The following GRHL3 variants were observed in gnomAD, a reference collection of about 807,000 sequenced individuals.
GRHL3 encodes grainyhead-like protein 3 homolog.
GRHL3 carries 20 observed loss-of-function variants against 70.3 expected under a neutral mutation model. The ratio of observed to expected loss-of-function variants is 0.28; its 90% CI spans 0.20 to 0.41. GRHL3 has a LOEUF of 0.41. Among genes scored for constraint, GRHL3 ranks in the 10% least tolerant of loss-of-function variants. The probability of loss-of-function intolerance (pLI) is 1.00; values close to 1 mark genes in which losing one functional copy is unlikely to be tolerated. For missense variants in GRHL3, 637 were observed against 762.3 expected, an observed-to-expected ratio of 0.84 and a Z score of 1.94; for synonymous variants, 299 against 299.9, an observed-to-expected ratio of 1.00 and a Z score of 0.03.
chr1:24,339,181 T>G (rs1369759141), intron 7 of GRHL3, among the ~76,000 whole-genome samples: 1 of 152,210 alleles, frequency 6.6e-6, no homozygotes, highest in Non-Finnish European at 1.5e-5. Flanking sequence ...TTTTCCCATC[T>G]GTAATCCAGG....
rs1414019490 is a variant in GRHL3 at position 24,338,075 on chromosome 1, C to T, written c.924C>T (p.Pro308=). The change falls in exon 7 of 16, where the codon CCC becomes CCT. Residue 308 remains proline (P), a synonymous_variant. Transcript: ENST00000361548. The stretch of plus-strand genomic sequence containing the variant: ...GGAAGCACTGGCATTCCCGGCAACC[C>T]ACTGCCAAGCAGCGGGTCATTGACG... ...RFWKHWHSRQ[P]TAKQRVIDVA... 6.8e-6 allele frequency: 11 copies of T among 1,612,202 alleles called. No homozygotes were observed. Among genetic ancestry groups the T allele is most frequent in the Admixed American group, 1.7e-5 (1 of 59,680 alleles).
chr1:24,336,644 C>A lies in GRHL3; in HGVS notation c.429C>A (p.Gly143=), dbSNP rs1326444349. ...TGGAGGGGGCCTTGCCCACCCCTGG[C>A]AAGGCAGCTCCCCTCCCTGCAGGCC... ...MSLEGALPTP[G]KAAPLPAGPS... Residue 143 remains glycine, a synonymous_variant, in exon 4 of 16, where the codon GGC becomes GGA. Transcript: ENST00000361548. 1 of 1,614,156 alleles carries A rather than the reference C, an allele frequency of 6.2e-7. No homozygotes were observed. Among genetic ancestry groups the A allele is most frequent in the Admixed American group, 1.7e-5 (1 of 60,028 alleles).
Position 24,319,940 on chromosome 1 carries a change from AG to A in GRHL3, c.17+374del, listed in dbSNP as rs1388753230. On this transcript the variant is annotated intron_variant, in intron 1 of 15. Transcript: ENST00000361548. ...CTTCTTGCCAAAAGGAACTTCTTTA[AG>A]GTAGTTCTAAGAGCTGTCTTAGGCA... 60 of 343,262 alleles carry A rather than the reference AG, an allele frequency of 1.7e-4. No homozygotes were observed. In the East Asian group the frequency reaches 3.8e-3, roughly 22 times the overall value. 21.3% of individuals were successfully genotyped at this position (343,262 alleles called of 1,614,324 possible). A position where few individuals can be genotyped will look rare whatever the true frequency, so the allele number is the denominator to read the frequency against.
chr1:24,362,496 C>T (rs1265050337), intron 15 of GRHL3, among the ~76,000 whole-genome samples: 3 of 152,212 alleles, frequency 2.0e-5, no homozygotes, highest in African/African-American at 7.2e-5. Context: ...TCAGTATACA[C>T]AGCATTGCAA....
In GRHL3 at chr1:24,339,776, G is replaced by A; in HGVS notation, c.1047+14G>A. The A allele has an allele frequency of 4.4e-6, 7 of 1,580,482 alleles. No individual in the cohort carries two copies. The highest frequency in any genetic ancestry group is 1.1e-5 in the South Asian group (1 of 88,888). ...GAAGAGGCCAAGGTCAGTGCTGAGG[G>A]CAGTGGCTGGGATGGGACTGGGCTG... is the stretch of plus-strand genomic sequence containing the variant. On this transcript the variant is annotated intron_variant, in intron 8 of 15. Transcript: ENST00000361548.
At chr1:24,338,871 G>A (rs773352212) in intron 7 of GRHL3, among the ~76,000 whole-genome samples, 2 of 152,184 alleles carry the variant, frequency 1.3e-5, no homozygotes, top group East Asian at 1.9e-4. Context: ...TCTGAGCTTC[G>A]TTTTCCTCAT....
chr1:24,357,869 G>T (rs1640823483), downstream of GRHL3: 1 of 308,534 alleles, frequency 3.2e-6, no homozygotes, highest in Non-Finnish European at 6.4e-6. Flanking sequence ...GAAAGTCAGG[G>T]AAAAGCGCAG....
At chr1:24,343,633 G>C (rs1207018298) in intron 11 of GRHL3, among the ~76,000 whole-genome samples, 2 of 152,114 alleles carry the variant, frequency 1.3e-5, no homozygotes, top group Non-Finnish European at 2.9e-5. Context: ...TGGGTTCCCT[G>C]TTACAGCTGT....
At chr1:24,330,624 C>T (rs1346320054) in intron 1 of GRHL3, among the ~76,000 whole-genome samples, 1 of 152,222 alleles carries the variant, frequency 6.6e-6, no homozygotes, top group Admixed American at 6.5e-5. Context: ...GGTCCCTGCT[C>T]CTTCCCCACA....
At chr1:24,346,197 T>G (rs1640277051) in intron 12 of GRHL3, among the ~76,000 whole-genome samples, 1 of 151,592 alleles carries the variant, frequency 6.6e-6, no homozygotes, top group Non-Finnish European at 1.5e-5. Context: ...TCCACATTTA[T>G]TGAGGCCCTC....
At chr1:24,346,418 C>T (rs1398858230) in intron 12 of GRHL3, 135 bp from the exon 13 acceptor site, 4 of 609,870 alleles carry the variant, frequency 6.6e-6, no homozygotes, top group Non-Finnish European at 8.8e-6. Context: ...CTGCTTTACC[C>T]CCACTGTCCC....
chr1:24,354,367 A>G lies in GRHL3; in HGVS notation c.1695-7A>G, dbSNP rs770387570. The G allele has an allele frequency of 3.1e-6, 5 of 1,604,022 alleles. No individual in the cohort carries two copies. The highest frequency in any genetic ancestry group is 3.4e-6 in the Non-Finnish European group (4 of 1,170,920). On this transcript the variant is annotated splice_region_variant and splice_polypyrimidine_tract_variant and intron_variant, in intron 15 of 15. Coordinates refer to ENST00000361548, the MANE Select transcript of GRHL3 (RefSeq NM_198173.3). ...GTGTTCCAACCACATCCCCTCTTCC[A>G]TTCCAGAATCTTAGTCAACATGGAC...
chr1:24,361,978 C>T (rs1238685033), intron 15 of GRHL3, among the ~76,000 whole-genome samples: 1 of 152,132 alleles, frequency 6.6e-6, no homozygotes, highest in Non-Finnish European at 1.5e-5. Flanking sequence ...TGCTACTCTC[C>T]CAACCATGTA....
chr1:24,346,513 C>T (rs1165606011), intron 12 of GRHL3, 40 bp from the exon 13 acceptor site: 2 of 1,490,240 alleles, frequency 1.3e-6, no homozygotes, highest in African/African-American at 2.8e-5. Flanking sequence ...TCTAGGGGTC[C>T]CCAAGTTTCT....
In GRHL3 at chr1:24,355,136, A is replaced by AT. The variant is rs1640667508; in HGVS notation, c.*649dup. ...TATTTACGATTTTCATTTGTTATATATATATATAAATATACTGTATATATA... is the reference window on the plus strand; with the variant it reads ...TATTTACGATTTTCATTTGTTATATATTATATATAAATATACTGTATATATA... On this transcript the variant is annotated 3_prime_UTR_variant, in exon 16 of 16. Transcript: ENST00000361548. The AT allele has an allele frequency of 6.6e-6, 1 of 152,320 alleles. No homozygotes were observed. The highest frequency in any genetic ancestry group is 2.4e-5 in the African/African-American group (1 of 41,342). The allele number at this position is 152,320 out of a possible 1,614,324, so 9.4% of individuals were successfully genotyped here. A position where few individuals can be genotyped will look rare whatever the true frequency, so the allele number is the denominator to read the frequency against.
chr1:24,343,735 C>T (rs556536683), intron 11 of GRHL3, among the ~76,000 whole-genome samples: 30 of 152,284 alleles, frequency 2.0e-4, no homozygotes, highest in African/African-American at 6.0e-4. Context: ...TCTCCTAGTG[C>T]GCTTCCATAC....
chr1:24,325,928 G>A (rs1639372236), intron 1 of GRHL3, among the ~76,000 whole-genome samples: 1 of 152,188 alleles, frequency 6.6e-6, no homozygotes. Flanking sequence ...TCTGGATGCT[G>A]GGAGCCAGAG....
At position 24,354,531 on chromosome 1, in the gene GRHL3, G is replaced by A; in HGVS notation, c.*43G>A. 1 of 1,265,092 alleles carries A rather than the reference G, an allele frequency of 7.9e-7. No homozygotes were observed. The highest frequency in any genetic ancestry group is 1.2e-6 in the Non-Finnish European group (1 of 862,920). The allele number at this position is 1,265,092 out of a possible 1,614,324, so 78.4% of individuals were successfully genotyped here. A position where few individuals can be genotyped will look rare whatever the true frequency, so the allele number is the denominator to read the frequency against. On this transcript the variant is annotated 3_prime_UTR_variant, in exon 16 of 16. Transcript: ENST00000361548. ...AACCCTCACGACCTGCAAGGGGCCA[G>A]CAGGGACGTGGCCCCACGCCACACA...
At chr1:24,352,005 C>A (rs1412139038) in intron 15 of GRHL3, among the ~76,000 whole-genome samples, 3 of 152,148 alleles carry the variant, frequency 2.0e-5, no homozygotes, top group African/African-American at 7.2e-5. Flanking sequence ...GCTTGTTCCT[C>A]TAATCACTAC....
Sources: gnomAD v4.1 joint callset for allele counts (sites outside exome capture counted in the v4.1 genomes callset) on GRCh38, gnomAD v4.1.1 for gene constraint, MANE v1.5 for transcripts, NCBI Gene and HGNC (gene_info 2026-07-23, HGNC 2026-07-21) for gene names.